Variants in HERC1 observed in about 807,000 individuals in gnomAD.
HERC1 encodes HECT and RLD domain containing E3 ubiquitin protein ligase family member 1.
In HERC1, 160 loss-of-function variants were observed where a neutral mutation model predicts 554.3. That is an observed-to-expected ratio of 0.29 (90% CI 0.25 to 0.33). The LOEUF is 0.33. Among genes scored for constraint, HERC1 ranks in the 10% least tolerant of loss-of-function variants. The pLI is 1.00. For missense variants in HERC1, 4,919 were observed against 5,918.5 expected, an observed-to-expected ratio of 0.83 and a Z score of 5.54; for synonymous variants, 2,175 against 2,131.7, an observed-to-expected ratio of 1.02 and a Z score of -0.56.
chr15:63,829,594 T>TATATATATATATATAA (rs1555455841), intron 1 of HERC1, among the ~76,000 whole-genome samples: 2 of 131,452 alleles, frequency 1.5e-5, no homozygotes, highest in African/African-American at 5.7e-5. Context: ...TATATATATA[T>TATATATATATATATAA]AATATACTGA....
chr15:63,611,538 A>AT (rs1267472499), intron 77 of HERC1, among the ~76,000 whole-genome samples: 1 of 152,190 alleles, frequency 6.6e-6, no homozygotes, highest in African/African-American at 2.4e-5. Context: ...CACAGAGGTT[A>AT]TCGTTGCTCC....
chr15:63,622,434 G>A (rs1291206290), intron 74 of HERC1, among the ~76,000 whole-genome samples: 1 of 147,994 alleles, frequency 6.8e-6, no homozygotes, highest in Non-Finnish European at 1.5e-5. Context: ...TTCAAATCAA[G>A]TGATTCTCCT....
chr15:63,687,630 A>G (rs747749384), intron 33 of HERC1, among the ~76,000 whole-genome samples: 12 of 152,170 alleles, frequency 7.9e-5, no homozygotes, highest in African/African-American at 1.4e-4. Flanking sequence ...GTATCCTATC[A>G]GGTCCTCCAT....
At chr15:63,760,403 T>C (rs1230391274) in intron 3 of HERC1, among the ~76,000 whole-genome samples, 2 of 133,066 alleles carry the variant, frequency 1.5e-5, no homozygotes, top group Non-Finnish European at 3.1e-5. Context: ...ATCATGCCAC[T>C]GTACTCCAGC....
intron 27 of HERC1, 150 bp from the exon 28 acceptor site, chr15:63,695,044 A>ATT: frequency 1.6e-6 from 1 of 616,966 alleles, no homozygotes; most frequent in Non-Finnish European, 2.3e-6. Context: ...GTATATAATA[A>ATT]TTTTTTTTTG....
At chr15:63,802,292 T>C (rs536057389) in intron 1 of HERC1, among the ~76,000 whole-genome samples, 27 of 152,342 alleles carry the variant, frequency 1.8e-4, no homozygotes, top group Non-Finnish European at 3.2e-4. Context: ...GAAAAAACTT[T>C]TTCGTTGTTA....
chr15:63,775,399 C>T lies in HERC1; in HGVS notation c.225G>A (p.Gln75=). 6.2e-7 allele frequency: 1 copy of T among 1,613,984 alleles called. No individual in the cohort carries two copies. The highest frequency in any genetic ancestry group is 8.5e-7 in the Non-Finnish European group (1 of 1,179,852). Residue 75 remains glutamine (Q), a synonymous_variant, in exon 2 of 78, where the codon CAG becomes CAA. Coordinates refer to ENST00000443617, the MANE Select transcript of HERC1 (RefSeq NM_003922.4). This position sits in a 1 kb window ranked among gnomAD's most constrained non-coding sequence, Gnocchi z 4.0. The part of the protein sequence containing the change: ...FERESLSSDE[Q]DHYLDALLSS... ...TAAGAAGGGCATCCAAATAGTGGTC[C>T]TGCTCATCACTTGAAAGAGACTCAC...
intron 1 of HERC1, among the ~76,000 whole-genome samples, chr15:63,795,954 T>G (rs2076801076): frequency 1.3e-5 from 2 of 152,238 alleles, no homozygotes; most frequent in African/African-American, 4.8e-5. Flanking sequence ...AGGAACAGGC[T>G]ACGACCTAAT....
In HERC1 at chr15:63,753,004, A is replaced by G; in HGVS notation, c.1856T>C (p.Val619Ala). 1 of 1,613,700 alleles carries G rather than the reference A, an allele frequency of 6.2e-7. No homozygotes were observed. The highest frequency in any genetic ancestry group is 8.5e-7 in the Non-Finnish European group (1 of 1,179,704). Reference sequence around the variant, plus strand: ...AAGTGAAGACTGGCTCCCAGCACAAACTTTGCGAATGAACATTCCTTGTAA... The same window carrying G: ...AAGTGAAGACTGGCTCCCAGCACAAGCTTTGCGAATGAACATTCCTTGTAA... ...EALQGMFIRK[V>A]CAGSQSSLAL... is the part of the protein sequence containing the mutation. The change falls in exon 8 of 78, where the codon GTT becomes GCT. Residue 619 changes from valine to alanine, a missense_variant. Val to Ala is a moderately conservative substitution (Grantham distance 64, BLOSUM62 0). Around this residue, in one of 11 missense-constraint regions of HERC1, gnomAD observed 744 missense variants for 1,090.0 expected, o/e 0.68. Coordinates refer to ENST00000443617, the MANE Select transcript of HERC1 (RefSeq NM_003922.4).
chr15:63,683,091 GTGCCAC>G (rs1302785754), intron 34 of HERC1, among the ~76,000 whole-genome samples: 30 of 146,312 alleles, frequency 2.1e-4, no homozygotes, highest in Admixed American at 2.1e-4. Flanking sequence ...AGCCGAGCTT[GTGCCAC>G]TGCACTCCAG....
intron 1 of HERC1, among the ~76,000 whole-genome samples, chr15:63,829,006 T>TA (rs1316997373): frequency 6.6e-6 from 1 of 152,196 alleles, no homozygotes. Flanking sequence ...TGAGTATACT[T>TA]ACTCTATATC....
rs757988514 is a variant in HERC1 at position 63,680,767 on chromosome 15, C to A, written c.6235G>T (p.Val2079Leu). ...CCTTCATTACCTCTGTTTTCCTTCA[C>A]AATATAAAACTAAAATAAAAGTGGG... is the stretch of plus-strand genomic sequence containing the variant. Reference protein sequence around the residue: ...SGCYQWKFYIVKENRGNEGTC... With the variant: ...SGCYQWKFYILKENRGNEGTC... Residue 2079 changes from valine to leucine, a missense_variant, in exon 35 of 78, where the codon GTG becomes TTG. Coordinates refer to ENST00000443617, the MANE Select transcript of HERC1 (RefSeq NM_003922.4). The surrounding 1 kb of genome is among the most constrained non-coding windows in gnomAD (Gnocchi z 5.8). 2 of 1,609,010 alleles carry A rather than the reference C, an allele frequency of 1.2e-6. No individual in the cohort carries two copies. Among genetic ancestry groups the A allele is most frequent in the East Asian group, 2.2e-5 (1 of 44,840 alleles).
At chr15:63,810,221 T>C (rs934656675) in intron 1 of HERC1, among the ~76,000 whole-genome samples, 1 of 152,166 alleles carries the variant, frequency 6.6e-6, no homozygotes, top group African/African-American at 2.4e-5. Context: ...TGTACACCAA[T>C]GTTAATAGGA....
At chr15:63,723,971 T>C (rs1207923401) in intron 18 of HERC1, among the ~76,000 whole-genome samples, 8 of 152,220 alleles carry the variant, frequency 5.3e-5, no homozygotes, top group Admixed American at 5.2e-4. Flanking sequence ...GTTCTTGGGC[T>C]AGTATCAAAA....
chr15:63,807,867 T>G (rs1377498997), intron 1 of HERC1, among the ~76,000 whole-genome samples: 2 of 152,056 alleles, frequency 1.3e-5, no homozygotes, highest in East Asian at 3.9e-4. Context: ...AGTTACTAAT[T>G]CAAATCCTAC....
chr15:63,821,093 T>C (rs1408033159), intron 1 of HERC1, among the ~76,000 whole-genome samples: 1 of 152,200 alleles, frequency 6.6e-6, no homozygotes, highest in Non-Finnish European at 1.5e-5. Flanking sequence ...CACAGCATTG[T>C]TTAACTGACT....
In HERC1 at chr15:63,692,851, A is replaced by C. The variant is rs761172105; in HGVS notation, c.5675-285T>G. The stretch of plus-strand genomic sequence containing the variant: ...TGGTGACTAGAGAACAGAACAGTCT[A>C]GGAAGAAGTCGAGCTCCTCCTAATT... On this transcript the variant is annotated intron_variant, in intron 30 of 77. Coordinates refer to ENST00000443617, the MANE Select transcript of HERC1 (RefSeq NM_003922.4). The surrounding 1 kb of genome is among the most constrained non-coding windows in gnomAD (Gnocchi z 4.7). Among the ~76,000 whole-genome samples, 2 of 152,162 alleles carry C rather than the reference A, an allele frequency of 1.3e-5. No homozygotes were observed. Among genetic ancestry groups the C allele is most frequent in the Non-Finnish European group, 2.9e-5 (2 of 68,034 alleles).
Position 63,734,463 on chromosome 15 carries a change from C to T in HERC1, c.2646+261G>A, listed in dbSNP as rs1478025141. Among the ~76,000 whole-genome samples, 1 of 152,130 alleles carries T rather than the reference C, an allele frequency of 6.6e-6. No homozygotes were observed. Among genetic ancestry groups the T allele is most frequent in the Non-Finnish European group, 1.5e-5 (1 of 68,026 alleles). Reference sequence around the variant, plus strand: ...TTCAACTCAGCATACTACAAATAAACCACAGAGTGTCTGGCTTAGTACCAT... The same window carrying T: ...TTCAACTCAGCATACTACAAATAAATCACAGAGTGTCTGGCTTAGTACCAT... On this transcript the variant is annotated intron_variant, in intron 13 of 77. Coordinates refer to ENST00000443617, the MANE Select transcript of HERC1 (RefSeq NM_003922.4). This position sits in a 1 kb window ranked among gnomAD's most constrained non-coding sequence, Gnocchi z 4.6.
chr15:63,658,494 A>C, intron 48 of HERC1, 50 bp downstream of exon 48: 2 of 1,523,916 alleles, frequency 1.3e-6, no homozygotes, highest in Non-Finnish European at 1.8e-6. Flanking sequence ...CTTCCAGCTA[A>C]TGTACACTAG....
Sources: gnomAD v4.1 joint callset for allele counts (sites outside exome capture counted in the v4.1 genomes callset) on GRCh38, gnomAD v4.1.1 for gene constraint, gnomAD v4.1.1 regional missense constraint, Gnocchi (gnomAD v3.1) non-coding constraint, MANE v1.5 for transcripts, NCBI Gene and HGNC (gene_info 2026-07-23, HGNC 2026-07-21) for gene names.